Variants in PCBP2 observed in about 807,000 individuals in gnomAD.
PCBP2 encodes the protein poly(rC) binding protein 2, also known as poly(rC)-binding protein 2.
PCBP2 carries 4 observed loss-of-function variants against 50.1 expected under a neutral mutation model. That is an observed-to-expected ratio of 0.08 (90% CI 0.04 to 0.18). PCBP2 has a LOEUF of 0.18. PCBP2 is among the 10% of genes least tolerant of loss of function. The probability of loss-of-function intolerance (pLI) is 1.00; values close to 1 mark genes in which losing one functional copy is unlikely to be tolerated. For synonymous variants in PCBP2, 179 were observed against 168.0 expected (o/e 1.07, Z -0.51); for missense variants, 161 against 474.3 (o/e 0.34, Z 6.14).
chr12:53,471,539 C>T, intron 13 of PCBP2, 99 bp from the exon 14 acceptor site: 1 of 1,179,088 alleles, frequency 8.5e-7, no homozygotes, highest in Non-Finnish European at 1.1e-6. Context: ...TGCACTCCAG[C>T]CTGGCCACAG....
intron 14 of PCBP2, among the ~76,000 whole-genome samples, chr12:53,472,556 T>A (rs1942313272): frequency 6.6e-6 from 1 of 152,238 alleles, no homozygotes; most frequent in African/African-American, 2.4e-5. Context: ...AATTGCTTAC[T>A]AATATTTCAA....
chr12:53,458,191 G>A lies in PCBP2; in HGVS notation c.244-1081G>A, dbSNP rs1329102076. Among the ~76,000 whole-genome samples, 6 of 152,298 alleles carry A rather than the reference G, an allele frequency of 3.9e-5. No individual in the cohort carries two copies. In the East Asian group the frequency reaches 1.2e-3, roughly 29 times the overall value. ...GATCCACCTGCTTTGGCCTCCCAAAGTGCTGGGAATACAGGCCTGAGCCAC... is the reference window on the plus strand; with the variant it reads ...GATCCACCTGCTTTGGCCTCCCAAAATGCTGGGAATACAGGCCTGAGCCAC... On this transcript the variant is annotated intron_variant, in intron 5 of 14. Transcript: ENST00000546463.
At chr12:53,468,701 C>T (rs1941987369) in intron 12 of PCBP2, 76 bp from the exon 13 acceptor site, 1 of 1,081,680 alleles carries the variant, frequency 9.2e-7, no homozygotes, top group Non-Finnish European at 1.4e-6. Context: ...TTATTTCCTT[C>T]TGTTAGTTTA....
In PCBP2 at chr12:53,481,108, CAT is replaced by C. The variant is rs146607300; in HGVS notation, c.*1681_*1682del. The C allele has an allele frequency of 0.036, 19,749 of 548,068 alleles. 3 individuals are homozygous for C. The highest frequency in any genetic ancestry group is 0.052 in the East Asian group (748 of 14,454). 34.0% of individuals were successfully genotyped at this position (548,068 alleles called of 1,614,324 possible). A position where few individuals can be genotyped will look rare whatever the true frequency, so the allele number is the denominator to read the frequency against. On this transcript the variant is annotated 3_prime_UTR_variant, in exon 15 of 15. Transcript: ENST00000546463. ...CCATCTTTCTGTTGATTATGTGGCG[CAT>C]ATATATATATATATGTATATATATA...
At chr12:53,475,337 G>A in intron 14 of PCBP2, 1 of 367,420 alleles carries the variant, frequency 2.7e-6, no homozygotes, top group Non-Finnish European at 5.4e-6. Flanking sequence ...TACTTTGGGG[G>A]ATAACTGGGT....
intron 6 of PCBP2, chr12:53,460,264 T>C (rs1025439615): frequency 5.3e-5 from 13 of 246,026 alleles, no homozygotes; most frequent in African/African-American, 2.8e-4. Flanking sequence ...TCAAGCCTCC[T>C]GAGTACCTGG....
rs560537088 is a variant in PCBP2 at position 53,477,888 on chromosome 12, G to A, written c.1053-1518G>A. On this transcript the variant is annotated intron_variant, in intron 14 of 14. Transcript: ENST00000546463. Reference sequence around the variant, plus strand: ...TGACCACATATCACAAATATTTTATGCTAATCAGTTTAAAATCTTATGAAA... The same window carrying A: ...TGACCACATATCACAAATATTTTATACTAATCAGTTTAAAATCTTATGAAA... Among the ~76,000 whole-genome samples the A allele has an allele frequency of 7.6e-4, 116 of 152,178 alleles. 1 individual carries two copies. The highest frequency in any genetic ancestry group is 2.4e-3 in the African/African-American group (98 of 41,504).
intron 10 of PCBP2, among the ~76,000 whole-genome samples, chr12:53,466,789 G>T (rs1045313734): frequency 2.0e-5 from 3 of 151,832 alleles, no homozygotes; most frequent in Non-Finnish European, 4.4e-5. Context: ...CAGTCTCCCT[G>T]CCCCCCTCAT....
At chr12:53,458,559 G>T (rs1941216239) in intron 5 of PCBP2, among the ~76,000 whole-genome samples, 1 of 151,484 alleles carries the variant, frequency 6.6e-6, no homozygotes, top group Admixed American at 6.6e-5. Flanking sequence ...CACCTGCCTC[G>T]GCCTCCCAAA....
Position 53,468,793 on chromosome 12 carries a change from T to C in PCBP2, c.843T>C (p.Ser281=). 2 of 1,613,760 alleles carry C rather than the reference T, an allele frequency of 1.2e-6. No individual in the cohort carries two copies. The highest frequency in any genetic ancestry group is 1.7e-6 in the Non-Finnish European group (2 of 1,179,600). The change falls in exon 13 of 15, where the codon TCT becomes TCC. Residue 281 remains serine (S), a synonymous_variant. Coordinates refer to ENST00000546463, the MANE Select transcript of PCBP2 (RefSeq NM_031989.5). ...GTCTTTTAGCAGGTTTGGATGCATC[T>C]GCTCAGACTACTTCTCATGAACTCA... The part of the protein sequence containing the change: ...VKGYWAGLDA[S]AQTTSHELTI...
At chr12:53,452,450 C>T (rs963861985) in intron 1 of PCBP2, 74 bp downstream of exon 1, 5 of 150,970 alleles carry the variant, frequency 3.3e-5, no homozygotes, top group East Asian at 3.9e-4. Flanking sequence ...TTAGCCGGCT[C>T]GGGTCCTAGT....
At chr12:53,454,569 A>G (rs1940846424) in intron 1 of PCBP2, 157 bp from the exon 2 acceptor site, 7 of 532,342 alleles carry the variant, frequency 1.3e-5, no homozygotes, top group Non-Finnish European at 2.4e-5. Context: ...TGAGCTGTAT[A>G]TTTTGTCATG....
chr12:53,452,849 C>T (rs1592626573), intron 1 of PCBP2: 1 of 151,878 alleles, frequency 6.6e-6, no homozygotes, highest in East Asian at 1.9e-4. Context: ...TCTTTCTAGT[C>T]GAGGGAAGGG....
At chr12:53,460,749 A>AT (rs1941397915) in intron 6 of PCBP2, 1 of 326,554 alleles carries the variant, frequency 3.1e-6, no homozygotes, top group Non-Finnish European at 5.8e-6. Flanking sequence ...AAAGGCAACT[A>AT]TTTAGAAGGA....
chr12:53,460,300 C>T (rs1458994343), intron 6 of PCBP2: 3 of 308,044 alleles, frequency 9.7e-6, no homozygotes, highest in East Asian at 1.1e-4. Context: ...CCACAATGCC[C>T]GGCTAATTTT....
rs75582496 is a variant in PCBP2, at chr12:53,467,283, C to T, written c.777C>T (p.Thr259=). The stretch of plus-strand genomic sequence containing the variant: ...ATTTTCCCATGACGCATGGCAACAC[C>T]GGATTCAGTGGTATGGATACCTCAG... ...QSHFPMTHGN[T]GFSGIESSSP... The change falls in exon 11 of 15, where the codon ACC becomes ACT. Residue 259 remains threonine (T), a synonymous_variant. Transcript: ENST00000546463. 2.8e-4 allele frequency: 456 copies of T among 1,613,036 alleles called. No individual in the cohort carries two copies. In the African/African-American group the frequency reaches 5.1e-3, roughly 18 times the overall value.
At chr12:53,453,766 A>G (rs928891766) in intron 1 of PCBP2, among the ~76,000 whole-genome samples, 8 of 152,222 alleles carry the variant, frequency 5.3e-5, no homozygotes, top group Admixed American at 6.5e-5. Context: ...AGGCAAAGGC[A>G]TATCCAAAAA....
At chr12:53,456,858 C>T (rs951486758) in intron 5 of PCBP2, among the ~76,000 whole-genome samples, 10 of 152,144 alleles carry the variant, frequency 6.6e-5, no homozygotes, top group Non-Finnish European at 1.3e-4. Flanking sequence ...CAATTGATAT[C>T]ACAGGCAGAG....
chr12:53,471,570 G>C, intron 13 of PCBP2, 68 bp from the exon 14 acceptor site: 1 of 1,350,894 alleles, frequency 7.4e-7, no homozygotes, highest in Non-Finnish European at 9.9e-7. Context: ...TGGGGTGGGG[G>C]GGTGGGATTC....
Sources: allele counts gnomAD v4.1 joint callset (sites outside exome capture counted in the v4.1 genomes callset), GRCh38; gene constraint gnomAD v4.1.1; transcripts MANE v1.5; gene names NCBI Gene and HGNC (gene_info 2026-07-23, HGNC 2026-07-21).